Variants in MAP2K4 observed in about 807,000 individuals in gnomAD.
MAP2K4 encodes mitogen-activated protein kinase kinase 4, also known as dual specificity mitogen-activated protein kinase kinase 4.
MAP2K4 carries 4 observed loss-of-function variants against 48.5 expected under a neutral mutation model. The ratio of observed to expected loss-of-function variants is 0.08; its 90% CI spans 0.04 to 0.19. The LOEUF is 0.19. Among genes scored for constraint, MAP2K4 ranks in the 10% least tolerant of loss-of-function variants. The pLI is 1.00. For missense variants in MAP2K4, 258 were observed against 493.3 expected (o/e 0.52, Z 4.52); for synonymous variants, 166 against 173.1 (o/e 0.96, Z 0.32).
intron 2 of MAP2K4, among the ~76,000 whole-genome samples, chr17:12,057,440 T>C (rs1347490847): frequency 6.6e-6 from 1 of 152,138 alleles, no homozygotes; most frequent in Non-Finnish European, 1.5e-5. Context: ...ATTACCTATT[T>C]CTCTCTCTCA....
At chr17:12,103,622 T>G (rs1365716348) in intron 4 of MAP2K4, among the ~76,000 whole-genome samples, 9 of 152,142 alleles carry the variant, frequency 5.9e-5, no homozygotes, top group Admixed American at 3.3e-4. Context: ...CTCATCACAT[T>G]TCCCTTTCCA....
intron 2 of MAP2K4, among the ~76,000 whole-genome samples, chr17:12,062,750 A>G (rs899479527): frequency 2.0e-4 from 31 of 152,140 alleles, no homozygotes; most frequent in African/African-American, 7.0e-4. Flanking sequence ...TCTATTTTCC[A>G]TGGTTACTTT....
At chr17:12,033,467 A>G (rs1247887267) in intron 1 of MAP2K4, among the ~76,000 whole-genome samples, 1 of 152,164 alleles carries the variant, frequency 6.6e-6, no homozygotes, top group Non-Finnish European at 1.5e-5. Context: ...TATTTCTTGA[A>G]TGGTTCACCC....
At chr17:12,057,394 A>AG (rs1970312593) in intron 2 of MAP2K4, among the ~76,000 whole-genome samples, 1 of 152,154 alleles carries the variant, frequency 6.6e-6, no homozygotes, top group African/African-American at 2.4e-5. Context: ...AACCATGTGT[A>AG]GATCTGTTTA....
intron 1 of MAP2K4, among the ~76,000 whole-genome samples, chr17:12,032,783 A>G (rs1009697311): frequency 7.9e-5 from 12 of 152,146 alleles, no homozygotes; most frequent in African/African-American, 2.9e-4. Context: ...CTGTATTAGG[A>G]CACTAGTCTT....
intron 1 of MAP2K4, among the ~76,000 whole-genome samples, chr17:12,024,834 C>T (rs1023684978): frequency 6.6e-6 from 1 of 152,168 alleles, no homozygotes; most frequent in Admixed American, 6.5e-5. Flanking sequence ...CCTTCCTAGC[C>T]ATGGCTAGGG....
At chr17:12,078,576 T>G (rs1971086196) in intron 2 of MAP2K4, among the ~76,000 whole-genome samples, 1 of 152,168 alleles carries the variant, frequency 6.6e-6, no homozygotes, top group South Asian at 2.1e-4. Context: ...CTGAAGAAAG[T>G]GATATCCCAA....
At chr17:12,107,668 A>T in intron 4 of MAP2K4, 122 bp from the exon 5 acceptor site, 1 of 837,056 alleles carries the variant, frequency 1.2e-6, no homozygotes, top group Non-Finnish European at 1.9e-6. Flanking sequence ...AAAAATTATT[A>T]CTAGTTTGAC....
intron 9 of MAP2K4, among the ~76,000 whole-genome samples, chr17:12,137,017 C>T (rs1405037311): frequency 6.6e-6 from 1 of 152,142 alleles, no homozygotes; most frequent in African/African-American, 2.4e-5. Flanking sequence ...AACCAGAGGA[C>T]TGGAACTGTA....
chr17:12,120,537 C>CG (rs1567670098), intron 7 of MAP2K4, among the ~76,000 whole-genome samples: 1 of 135,584 alleles, frequency 7.4e-6, no homozygotes, highest in East Asian at 2.5e-4. Context: ...CCCTCATTCC[C>CG]CCCCCCATAA....
intron 2 of MAP2K4, among the ~76,000 whole-genome samples, chr17:12,066,122 T>C (rs1005528479): frequency 6.8e-6 from 1 of 148,134 alleles, no homozygotes; most frequent in East Asian, 2.0e-4. Context: ...ACATTTACTA[T>C]TGTTTCTTTC....
intron 9 of MAP2K4, among the ~76,000 whole-genome samples, chr17:12,133,103 A>G (rs1973084855): frequency 6.6e-6 from 1 of 152,084 alleles, no homozygotes; most frequent in Admixed American, 6.6e-5. Flanking sequence ...TGTTTTTAAT[A>G]TGGAGCCTTG....
At chr17:12,079,785 A>T (rs529397958) in intron 2 of MAP2K4, among the ~76,000 whole-genome samples, 1 of 152,168 alleles carries the variant, frequency 6.6e-6, no homozygotes, top group East Asian at 1.9e-4. Flanking sequence ...TTTCAGGCTT[A>T]ATCTGTCTAC....
chr17:12,091,861 A>G (rs914455010), intron 3 of MAP2K4, among the ~76,000 whole-genome samples: 6 of 152,164 alleles, frequency 3.9e-5, no homozygotes, highest in East Asian at 1.9e-4. Flanking sequence ...TTGATTTTCA[A>G]TGTTTTCTTT....
intron 1 of MAP2K4, among the ~76,000 whole-genome samples, chr17:12,031,659 T>C (rs1005937723): frequency 6.6e-5 from 10 of 152,218 alleles, no homozygotes; most frequent in Non-Finnish European, 1.0e-4. Context: ...GGTTTTCTTC[T>C]TGTAACTTCT....
At chr17:12,099,302 T>G (rs1358880130) in intron 4 of MAP2K4, among the ~76,000 whole-genome samples, 1 of 152,162 alleles carries the variant, frequency 6.6e-6, no homozygotes, top group Non-Finnish European at 1.5e-5. Context: ...ATGTGGACAT[T>G]TAGGTTGATT....
intron 9 of MAP2K4, 46 bp downstream of exon 9, chr17:12,129,333 G>A (rs1379324639): frequency 6.2e-7 from 1 of 1,612,674 alleles, no homozygotes; most frequent in South Asian, 1.1e-5. Flanking sequence ...GGCGAGAATA[G>A]TGAGATTTAC....
chr17:12,117,597 ATTTTTTTTTG>A (rs1280065849), intron 7 of MAP2K4, among the ~76,000 whole-genome samples: 1 of 151,380 alleles, frequency 6.6e-6, no homozygotes, highest in African/African-American at 2.4e-5. Context: ...TACTCACTGT[ATTTTTTTTTG>A]TTTTTTTTGC....
At chr17:12,111,175 A>G (rs1472152571) in intron 6 of MAP2K4, among the ~76,000 whole-genome samples, 1 of 152,194 alleles carries the variant, frequency 6.6e-6, no homozygotes, top group East Asian at 1.9e-4. Context: ...TTAGCCTGAC[A>G]GTAAATAGGA....
Sources: gnomAD v4.1 joint callset for allele counts (sites outside exome capture counted in the v4.1 genomes callset) on GRCh38, gnomAD v4.1.1 for gene constraint, MANE v1.5 for transcripts, NCBI Gene and HGNC (gene_info 2026-07-23, HGNC 2026-07-21) for gene names.